The following USP37 variants were observed in gnomAD, a reference collection of about 807,000 sequenced individuals.
USP37 encodes the protein ubiquitin specific peptidase 37.
In USP37, 27 loss-of-function variants were observed where a neutral mutation model predicts 124.0. That is an observed-to-expected ratio of 0.22 (90% confidence interval 0.16 to 0.30). USP37 has a LOEUF of 0.30. USP37 is among the 10% of genes least tolerant of loss of function. The probability of loss-of-function intolerance (pLI) is 1.00; values close to 1 mark genes in which losing one functional copy is unlikely to be tolerated. For synonymous variants in USP37, 365 were observed against 388.0 expected (o/e 0.94, Z 0.70); for missense variants, 889 against 1,140.4 (o/e 0.78, Z 3.17).
intron 23 of USP37, among the ~76,000 whole-genome samples, chr2:218,459,424 C>T (rs1411491976): frequency 2.6e-5 from 4 of 152,110 alleles, no homozygotes; most frequent in Non-Finnish European, 4.4e-5. Context: ...AGGCTGGTCT[C>T]GAACTCCTGA....
chr2:218,536,828 GGC>G (rs1691673728), intron 8 of USP37, among the ~76,000 whole-genome samples: 1 of 152,106 alleles, frequency 6.6e-6, no homozygotes, highest in Non-Finnish European at 1.5e-5. Flanking sequence ...ACCCTTGTTT[GGC>G]AATGGCAACA....
chr2:218,543,032 G>A (rs529385419), intron 8 of USP37, among the ~76,000 whole-genome samples: 39 of 152,170 alleles, frequency 2.6e-4, no homozygotes, highest in Middle Eastern at 3.4e-3. Flanking sequence ...TGATAAAAAC[G>A]GTCATATTAA....
intron 21 of USP37, 86 bp downstream of exon 21, chr2:218,465,924 A>AGT: frequency 6.9e-7 from 1 of 1,448,168 alleles, no homozygotes; most frequent in Admixed American, 2.3e-5. Context: ...TCTGACACAT[A>AGT]GTAAGTGCTC....
intron 11 of USP37, among the ~76,000 whole-genome samples, chr2:218,508,267 G>GT (rs746724978): frequency 4.9e-5 from 7 of 142,900 alleles, no homozygotes; most frequent in Non-Finnish European, 7.5e-5. Flanking sequence ...TTTCTACTCA[G>GT]TTTTTTTTTC....
chr2:218,521,758 G>A (rs1690634247), intron 10 of USP37, among the ~76,000 whole-genome samples: 1 of 152,148 alleles, frequency 6.6e-6, no homozygotes, highest in Non-Finnish European at 1.5e-5. Context: ...AATTTCATCT[G>A]TACCACAATC....
rs1004548045 is a variant in USP37, at chr2:218,474,757, C to A, written c.2172G>T (p.Leu724=). Residue 724 remains leucine (L), a synonymous_variant, in exon 20 of 26, where the codon CTG becomes CTT. Coordinates refer to ENST00000258399, the MANE Select transcript of USP37 (RefSeq NM_020935.3). ...TTGGCTTATCATCATCTTCATGACT[C>A]AGAGATGGTGAAGCATCTCTCTTAC... ...EISKRDASPS[L]SHEDDDKPTS... 1.7e-5 allele frequency: 27 copies of A among 1,614,020 alleles called. No individual in the cohort carries two copies. The highest frequency in any genetic ancestry group is 2.3e-5 in the Non-Finnish European group (27 of 1,180,028).
intron 11 of USP37, 143 bp downstream of exon 11, chr2:218,509,836 G>T: frequency 2.8e-6 from 2 of 722,410 alleles, no homozygotes; most frequent in Non-Finnish European, 2.0e-6. Flanking sequence ...ATTACTTATG[G>T]ATGTAATAAA....
At chr2:218,485,130 C>T (rs1011949010) in intron 16 of USP37, among the ~76,000 whole-genome samples, 1 of 152,100 alleles carries the variant, frequency 6.6e-6, no homozygotes, top group African/African-American at 2.4e-5. Flanking sequence ...CAGAAAAAGA[C>T]TACAGCACAA....
chr2:218,549,464 C>CTT (rs35795642), intron 6 of USP37, among the ~76,000 whole-genome samples: 1 of 118,502 alleles, frequency 8.4e-6, no homozygotes, highest in African/African-American at 3.3e-5. Flanking sequence ...CTATGACTAT[C>CTT]TTTTTTTTTT....
At chr2:218,498,224 G>C (rs1397120510) in intron 11 of USP37, 67 bp from the exon 12 acceptor site, 5 of 1,453,658 alleles carry the variant, frequency 3.4e-6, no homozygotes, top group Non-Finnish European at 4.5e-6. Flanking sequence ...AGTATAGTAG[G>C]AGTTCTCCAC....
Position 218,482,034 on chromosome 2 carries a change from A to G in USP37, c.1835+36T>C, listed in dbSNP as rs1691297413. 3.2e-6 allele frequency: 5 copies of G among 1,539,326 alleles called. No homozygotes were observed. The African/African-American group carries it at 6.9e-5, about 21-fold the overall frequency. On this transcript the variant is annotated intron_variant, in intron 17 of 25. Transcript: ENST00000258399. ...AGATACTAAAGCCTTTCTATTTCAAAAGGGAATATAAAGACATAGTCTCTC... is the reference window on the plus strand; with the variant it reads ...AGATACTAAAGCCTTTCTATTTCAAGAGGGAATATAAAGACATAGTCTCTC...
At chr2:218,527,998 C>T (rs184286553) in intron 10 of USP37, among the ~76,000 whole-genome samples, 1 of 151,996 alleles carries the variant, frequency 6.6e-6, no homozygotes, top group Non-Finnish European at 1.5e-5. Context: ...GTCAGGAAAT[C>T]GAGACCATCC....
chr2:218,540,069 G>A (rs1040083259), intron 8 of USP37, among the ~76,000 whole-genome samples: 2 of 151,974 alleles, frequency 1.3e-5, no homozygotes, highest in Admixed American at 6.6e-5. Flanking sequence ...ACTTAAAGGA[G>A]GCACTTTACA....
rs1303251874 is a variant in USP37 at position 218,461,859 on chromosome 2, T to A, written c.2527+1447A>T. 1.3e-5 allele frequency among the ~76,000 whole-genome samples: 2 copies of A among 151,174 alleles called. 1 individual carries two copies. Among genetic ancestry groups the A allele is most frequent in the East Asian group, 3.9e-4 (2 of 5,106 alleles). On this transcript the variant is annotated intron_variant, in intron 22 of 25. Coordinates refer to ENST00000258399, the MANE Select transcript of USP37 (RefSeq NM_020935.3). ...ACTCCATCTCTACTAAAATGAAATA[T>A]AAAAAATTAGCTGGAACCTGGGCAC...
At chr2:218,511,788 AT>A (rs1356447433) in intron 10 of USP37, among the ~76,000 whole-genome samples, 1 of 77,072 alleles carries the variant, frequency 1.3e-5, no homozygotes, top group Non-Finnish European at 2.4e-5. Flanking sequence ...AAATTTATCA[AT>A]TTTTTCTTTT....
chr2:218,453,727 C>A lies in USP37; in HGVS notation c.*1203G>T, dbSNP rs1689558718. On this transcript the variant is annotated 3_prime_UTR_variant, in exon 26 of 26. Transcript: ENST00000258399. ...AAAAAGTAGATAAATAAATTATGCA[C>A]CTTTGTTATTTGTTAGTTTTTGGGA... The A allele has an allele frequency of 1.3e-5, 2 of 152,294 alleles. No homozygotes were observed. Among genetic ancestry groups the A allele is most frequent in the South Asian group, 4.1e-4 (2 of 4,824 alleles). 9.4% of individuals were successfully genotyped at this position (152,294 alleles called of 1,614,324 possible). A position where few individuals can be genotyped will look rare whatever the true frequency, so the allele number is the denominator to read the frequency against.
At chr2:218,559,758 T>C (rs563729844) in intron 3 of USP37, among the ~76,000 whole-genome samples, 1 of 152,260 alleles carries the variant, frequency 6.6e-6, no homozygotes, top group South Asian at 2.1e-4. Flanking sequence ...TCCCAGCACT[T>C]TGGAAGGATG....
At position 218,558,591 on chromosome 2, in the gene USP37, C is replaced by T. The variant is rs769438674; in HGVS notation, c.63G>A (p.Lys21=). The T allele has an allele frequency of 3.9e-5, 63 of 1,613,456 alleles. No homozygotes were observed. The highest frequency in any genetic ancestry group is 5.2e-5 in the Non-Finnish European group (61 of 1,179,826). ...CAATTTCAAAGGATCCTTCTTTCCA[C>T]TTTGTAATCCCAGTCTGCATACTTC... The part of the protein sequence containing the change: ...RIRSMQTGIT[K]WKEGSFEIVE... The change falls in exon 4 of 26, where the codon AAG becomes AAA. Residue 21 remains lysine, a synonymous_variant. Coordinates refer to ENST00000258399, the MANE Select transcript of USP37 (RefSeq NM_020935.3).
chr2:218,546,844 A>C, intron 7 of USP37, 75 bp downstream of exon 7: 1 of 1,496,782 alleles, frequency 6.7e-7, no homozygotes, highest in Non-Finnish European at 9.1e-7. Context: ...TTTCTCCTCA[A>C]ATTACTGGTA....
Sources: allele counts gnomAD v4.1 joint callset (sites outside exome capture counted in the v4.1 genomes callset), GRCh38; gene constraint gnomAD v4.1.1; transcripts MANE v1.5; gene names NCBI Gene and HGNC (gene_info 2026-07-23, HGNC 2026-07-21).